EYA1: variants seen among roughly 807,000 people sequenced by gnomAD.
EYA1 encodes protein phosphatase EYA1.
A neutral mutation model predicts 82.0 loss-of-function variants in EYA1; 16 were observed. That is an observed-to-expected ratio of 0.20 (90% confidence interval 0.13 to 0.30). EYA1 has a LOEUF of 0.30. Ranked by LOEUF, EYA1 falls within the 10% of genes least tolerant of loss-of-function variation. The pLI, the probability that EYA1 is intolerant of heterozygous loss-of-function variation, is 1.00. For synonymous variants in EYA1, 261 were observed against 264.4 expected, an observed-to-expected ratio of 0.99 and a Z score of 0.12; for missense variants, 633 against 730.7, an observed-to-expected ratio of 0.87 and a Z score of 1.54.
chr8:71,341,520 T>C (rs149539190), intron 3 of EYA1, among the ~76,000 whole-genome samples: 1,618 of 152,314 alleles, frequency 0.011, 29 homozygotes, highest in African/African-American at 0.036. Flanking sequence ...TTTATATATT[T>C]GACATCTCAC....
At chr8:71,471,523 A>T (rs1809209673) in intron 2 of EYA1, among the ~76,000 whole-genome samples, 1 of 152,114 alleles carries the variant, frequency 6.6e-6, no homozygotes, top group South Asian at 2.1e-4. Flanking sequence ...CAGCTAAATT[A>T]AACCTGGGAA....
At chr8:71,301,528 T>C (rs1483036859) in intron 7 of EYA1, among the ~76,000 whole-genome samples, 1 of 152,230 alleles carries the variant, frequency 6.6e-6, no homozygotes, top group Non-Finnish European at 1.5e-5. Flanking sequence ...TCCTATTTAC[T>C]TATCAAGCAT....
intron 11 of EYA1, among the ~76,000 whole-genome samples, chr8:71,256,594 T>G (rs1008827438): frequency 2.0e-5 from 3 of 152,154 alleles, no homozygotes; most frequent in African/African-American, 7.2e-5. Flanking sequence ...TTTTGAGAGA[T>G]AAAAAACTTC....
chr8:71,457,572 T>C (rs1234904100), intron 2 of EYA1, among the ~76,000 whole-genome samples: 1 of 152,206 alleles, frequency 6.6e-6, no homozygotes, highest in Non-Finnish European at 1.5e-5. Flanking sequence ...CATGGAATAC[T>C]ATGCAGCCAT....
chr8:71,322,891 C>A (rs552413167), intron 4 of EYA1, among the ~76,000 whole-genome samples: 9 of 152,156 alleles, frequency 5.9e-5, no homozygotes, highest in African/African-American at 1.7e-4. Flanking sequence ...CTTCCTTTGC[C>A]TTTTAGTTAT....
intron 2 of EYA1, among the ~76,000 whole-genome samples, chr8:71,406,612 C>T (rs541589891): frequency 3.3e-5 from 5 of 152,274 alleles, no homozygotes; most frequent in East Asian, 1.9e-4. Context: ...AAAGGGGTGA[C>T]GGATGCACCT....
intron 17 of EYA1, among the ~76,000 whole-genome samples, chr8:71,204,024 G>A (rs1039807766): frequency 1.3e-5 from 2 of 152,164 alleles, no homozygotes; most frequent in Admixed American, 6.5e-5. Flanking sequence ...GGTTGCTGAA[G>A]CCCTGGGACC....
intron 16 of EYA1, 97 bp from the exon 17 acceptor site, chr8:71,211,353 G>T: frequency 1.3e-6 from 1 of 788,738 alleles, no homozygotes. Context: ...TTCATGCTCT[G>T]ATTCGAATGC....
intron 2 of EYA1, among the ~76,000 whole-genome samples, chr8:71,420,819 T>C (rs1831107448): frequency 6.6e-6 from 1 of 152,200 alleles, no homozygotes; most frequent in African/African-American, 2.4e-5. Context: ...CACTCTTCTA[T>C]ATTATTTTTA....
rs1388902851 is a variant in EYA1 at position 71,216,817 on chromosome 8, G to C, written c.1235C>G (p.Ala412Gly). The stretch of plus-strand genomic sequence containing the variant: ...CAAACATAAGTTAGCACTGGTTGCT[G>C]CAGCAGGAAAGCCATCTGTTCCAAA... The part of the protein sequence containing the change: ...YNFGTDGFPA[A>G]ATSANLCLAT... The change falls in exon 14 of 18, where the codon GCA (alanine) becomes GGA (glycine). Residue 412 changes from alanine (A) to glycine (G), a missense_variant. By Grantham distance (60) the Ala-to-Gly change is moderately conservative. Coordinates refer to ENST00000340726, the MANE Select transcript of EYA1 (RefSeq NM_000503.6). 6.2e-7 allele frequency: 1 copy of C among 1,614,020 alleles called. No individual in the cohort carries two copies. The highest frequency in any genetic ancestry group is 1.7e-5 in the Admixed American group (1 of 59,986).
At chr8:71,413,898 A>G (rs546955877) in intron 2 of EYA1, among the ~76,000 whole-genome samples, 56 of 152,372 alleles carry the variant, frequency 3.7e-4, no homozygotes, top group African/African-American at 1.3e-3. Context: ...TGTTAGATGA[A>G]GATCACAAGC....
chr8:71,223,302 C>A (rs1338305158), intron 12 of EYA1, among the ~76,000 whole-genome samples: 1 of 152,156 alleles, frequency 6.6e-6, no homozygotes, highest in Non-Finnish European at 1.5e-5. Context: ...TACCAGCCTG[C>A]AAACCTCTGC....
At position 71,508,716 on chromosome 8, in the gene EYA1, C is replaced by T. The variant is rs111366244; in HGVS notation, c.33+27028G>A. The stretch of plus-strand genomic sequence containing the variant: ...AGTTCTCATTAGACACAGAATCTGC[C>T]GGCACCTTGTTCTCAGACCTCCTAA... On this transcript the variant is annotated intron_variant, in intron 2 of 18. Coordinates refer to the EYA1 transcript ENST00000643681. Among the ~76,000 whole-genome samples the T allele has an allele frequency of 9.2e-3, 1,395 of 152,114 alleles. 12 individuals are homozygous for T. The highest frequency in any genetic ancestry group is 0.015 in the Non-Finnish European group (986 of 68,000).
chr8:71,197,952 G>T lies in EYA1; in HGVS notation c.*1388C>A, dbSNP rs1039941738. ...GCCTGTCATGTAGTACATAATGCAG[G>T]TGGAGAGGAACGTTGTTTCCATGGT... On this transcript the variant is annotated 3_prime_UTR_variant, in exon 18 of 18. Coordinates refer to ENST00000340726, the MANE Select transcript of EYA1 (RefSeq NM_000503.6). 5.9e-5 allele frequency: 9 copies of T among 152,218 alleles called. No homozygotes were observed. The highest frequency in any genetic ancestry group is 1.9e-4 in the African/African-American group (8 of 41,448). 9.4% of individuals were successfully genotyped at this position (152,218 alleles called of 1,614,324 possible). A position where few individuals can be genotyped will look rare whatever the true frequency, so the allele number is the denominator to read the frequency against.
At chr8:71,363,581 A>G (rs1364712600), upstream of EYA1, among the ~76,000 whole-genome samples, 1 of 152,182 alleles carries the variant, frequency 6.6e-6, no homozygotes, top group African/African-American at 2.4e-5. Flanking sequence ...GCAGAAATAG[A>G]ATTATGTTAC....
At chr8:71,270,732 C>G (rs572703436) in intron 10 of EYA1, among the ~76,000 whole-genome samples, 33 of 152,218 alleles carry the variant, frequency 2.2e-4, no homozygotes, top group Non-Finnish European at 3.8e-4. Context: ...CTTTTGAACT[C>G]CCCCAAAATA....
In EYA1 at chr8:71,198,715, C is replaced by T. The variant is rs2128800376; in HGVS notation, c.*625G>A. ...ATGTGCTAAAATTCAAAGTACTGTA[C>T]TTGCCATGTTGTGAGGCAGAGGCCT... On this transcript the variant is annotated 3_prime_UTR_variant, in exon 18 of 18. Coordinates refer to ENST00000340726, the MANE Select transcript of EYA1 (RefSeq NM_000503.6). The T allele has an allele frequency of 6.4e-6, 1 of 157,368 alleles. No homozygotes were observed. Among genetic ancestry groups the T allele is most frequent in the East Asian group, 1.9e-4 (1 of 5,330 alleles). The allele number at this position is 157,368 out of a possible 1,614,324, so 9.7% of individuals were successfully genotyped here. A position where few individuals can be genotyped will look rare whatever the true frequency, so the allele number is the denominator to read the frequency against.
intron 11 of EYA1, among the ~76,000 whole-genome samples, chr8:71,248,596 C>T (rs1359791393): frequency 6.6e-6 from 1 of 152,084 alleles, no homozygotes; most frequent in Non-Finnish European, 1.5e-5. Flanking sequence ...TGCGTGATGA[C>T]CCAGCAAGCA....
intron 10 of EYA1, 59 bp from the exon 11 acceptor site, chr8:71,269,882 G>C: frequency 7.5e-7 from 1 of 1,328,346 alleles, no homozygotes; most frequent in Non-Finnish European, 1.1e-6. Context: ...CTGTTATTCA[G>C]TTAACTTCAA....
Sources: allele counts gnomAD v4.1 joint callset (sites outside exome capture counted in the v4.1 genomes callset), GRCh38; gene constraint gnomAD v4.1.1; transcripts MANE v1.5; gene names NCBI Gene and HGNC (gene_info 2026-07-23, HGNC 2026-07-21).